Variants in ADAM11 observed in about 807,000 individuals in gnomAD.
The protein encoded by ADAM11 is ADAM metallopeptidase domain 11.
Under a neutral mutation model 119.1 loss-of-function variants are expected in ADAM11, and 49 were observed. The ratio of observed to expected loss-of-function variants is 0.41; its 90% CI spans 0.33 to 0.52. The LOEUF (loss-of-function observed/expected upper bound fraction) is 0.52. Ranked by LOEUF, ADAM11 falls within the 20% of genes least tolerant of loss-of-function variation. The pLI is 0.20. For synonymous variants in ADAM11, 364 were observed against 408.0 expected (o/e 0.89, Z 1.30); for missense variants, 777 against 1,047.5 (o/e 0.74, Z 3.56).
At chr17:44,779,282 T>C in intron 26 of ADAM11, 43 bp downstream of exon 26, 1 of 1,553,578 alleles carries the variant, frequency 6.4e-7, no homozygotes, top group Non-Finnish European at 8.6e-7. Flanking sequence ...GCCGGCCACG[T>C]CATCCCTCCC....
At chr17:44,760,253 G>A (rs1275254976) in intron 2 of ADAM11, among the ~76,000 whole-genome samples, 2 of 152,254 alleles carry the variant, frequency 1.3e-5, no homozygotes, top group African/African-American at 4.8e-5. Flanking sequence ...GGGGCAGGGA[G>A]AGGCAGCCCA....
At position 44,759,839 on chromosome 17, in the gene ADAM11, G is replaced by A. The variant is rs1009976819; in HGVS notation, c.179G>A (p.Gly60Glu). 5.6e-5 allele frequency: 74 copies of A among 1,314,926 alleles called. No individual in the cohort carries two copies. The highest frequency in any genetic ancestry group is 7.1e-5 in the Non-Finnish European group (73 of 1,023,680). 81.5% of individuals were successfully genotyped at this position (1,314,926 alleles called of 1,614,324 possible). A position where few individuals can be genotyped will look rare whatever the true frequency, so the allele number is the denominator to read the frequency against. The stretch of plus-strand genomic sequence containing the variant: ...CGTCTGGTTAGGGAGAGCTCCGGGG[G>A]AGAGGTCCGAAAGCAGCAGCTGGAC... ...PSRLVRESSG[G>E]EVRKQQLDTR... is the part of the protein sequence containing the mutation. The change falls in exon 2 of 27, where the codon GGA becomes GAA. Residue 60 changes from glycine to glutamate, a missense_variant. Gly to Glu is a moderately conservative substitution (Grantham distance 98). Transcript: ENST00000200557.
chr17:44,760,030 C>T, intron 2 of ADAM11, 133 bp downstream of exon 2: 6 of 952,384 alleles, frequency 6.3e-6, no homozygotes, highest in Non-Finnish European at 6.8e-6. Context: ...GTGGGCTATC[C>T]GGTGGGTGCT....
intron 2 of ADAM11, among the ~76,000 whole-genome samples, chr17:44,769,035 A>G (rs2049485352): frequency 6.6e-6 from 1 of 152,226 alleles, no homozygotes; most frequent in African/African-American, 2.4e-5. Context: ...ACTCTGAAAA[A>G]TTTATCAGGA....
Position 44,781,196 on chromosome 17 carries a change from C to G in ADAM11, c.*1442C>G, listed in dbSNP as rs2049689317. The G allele has an allele frequency of 6.6e-6, 1 of 152,272 alleles. No individual in the cohort carries two copies. The highest frequency in any genetic ancestry group is 2.4e-5 in the African/African-American group (1 of 41,460). 9.4% of individuals were successfully genotyped at this position (152,272 alleles called of 1,614,324 possible). On this transcript the variant is annotated 3_prime_UTR_variant, in exon 27 of 27. Coordinates refer to ENST00000200557, the MANE Select transcript of ADAM11 (RefSeq NM_002390.6). ...GCCCGTGAGCTACCTGCTTGAGCCC[C>G]TGTTTCTGGGGCACCTTCGAGGAGG...
intron 2 of ADAM11, 69 bp from the exon 3 acceptor site, chr17:44,769,649 C>T (rs1174551415): frequency 1.2e-5 from 13 of 1,070,998 alleles, no homozygotes; most frequent in South Asian, 2.6e-5. Flanking sequence ...CTGTTGCTCC[C>T]GGGATCCCCC....
At chr17:44,774,053 T>C (rs981908650) in intron 11 of ADAM11, among the ~76,000 whole-genome samples, 12 of 151,406 alleles carry the variant, frequency 7.9e-5, no homozygotes, top group African/African-American at 2.7e-4. Context: ...ATGGTGCCAC[T>C]GCACTCCAAC....
intron 2 of ADAM11, 72 bp downstream of exon 2, chr17:44,759,969 C>G: frequency 8.1e-7 from 1 of 1,237,220 alleles, no homozygotes; most frequent in Non-Finnish European, 1.0e-6. Context: ...ACGGGGTAAC[C>G]AGGGTTGGAG....
chr17:44,775,559 C>CGGG lies in ADAM11; in HGVS notation c.1393-25_1393-24insGGG. The CGGG allele has an allele frequency of 6.4e-7, 1 of 1,560,928 alleles. No individual in the cohort carries two copies. The highest frequency in any genetic ancestry group is 1.7e-4 in the Middle Eastern group (1 of 5,946). On this transcript the variant is annotated intron_variant, in intron 16 of 26. Coordinates refer to ENST00000200557, the MANE Select transcript of ADAM11 (RefSeq NM_002390.6). This position sits in a 1 kb window ranked among gnomAD's most constrained non-coding sequence, Gnocchi z 7.5. The stretch of plus-strand genomic sequence containing the variant: ...GGGAGGATTAGGGCTCGCCCGCCTC[C>CGGG]TTCCCCTCCTCCCGCGTCCCTCAGG...
In ADAM11 at chr17:44,772,897, A is replaced by G. The variant is rs2049545247; in HGVS notation, c.719A>G (p.Tyr240Cys). The G allele has an allele frequency of 1.9e-6, 3 of 1,613,868 alleles. No homozygotes were observed. The South Asian group carries it at 3.3e-5, about 18-fold the overall frequency. ...CCTACAGTGCACAGTGAAACCAAGT[A>G]TGTGGAGCTAATTGTGATCAACGAC... Reference protein sequence around the residue: ...GHPTVHSETKYVELIVINDHQ... With the variant: ...GHPTVHSETKCVELIVINDHQ... Residue 240 changes from tyrosine (Y) to cysteine (C), a missense_variant, in exon 9 of 27, where the codon TAT (tyrosine) becomes TGT (cysteine). By Grantham distance (194) the Tyr-to-Cys change is radical. Transcript: ENST00000200557. The surrounding 1 kb of genome is among the most constrained non-coding windows in gnomAD (Gnocchi z 4.5).
intron 2 of ADAM11, among the ~76,000 whole-genome samples, chr17:44,762,148 T>G (rs947527619): frequency 6.6e-6 from 1 of 152,052 alleles, no homozygotes; most frequent in Non-Finnish European, 1.5e-5. Flanking sequence ...TCAGCCCCAT[T>G]TTACAGATGA....
Position 44,778,688 on chromosome 17 carries a change from CAAAAA to C in ADAM11, c.2276+467_2276+471del, listed in dbSNP as rs566515861. 2.0e-3 allele frequency among the ~76,000 whole-genome samples: 103 copies of C among 52,426 alleles called. 1 individual carries two copies. Among genetic ancestry groups the C allele is most frequent in the African/African-American group, 3.7e-3 (50 of 13,538 alleles). The allele number at this position is 52,426 out of a possible 152,430, so 34.4% of individuals were successfully genotyped here. On this transcript the variant is annotated intron_variant, in intron 25 of 26. Coordinates refer to ENST00000200557, the MANE Select transcript of ADAM11 (RefSeq NM_002390.6). ...CCTGGGTGACAGAGCAAGACTGCGTCAAAAAAAAAAAAAAAAAAAAAAAAAGAAAG... is the reference window on the plus strand; with the variant it reads ...CCTGGGTGACAGAGCAAGACTGCGTCAAAAAAAAAAAAAAAAAAAAGAAAG...
intron 14 of ADAM11, 85 bp downstream of exon 14, chr17:44,774,834 G>A: frequency 2.7e-6 from 4 of 1,494,424 alleles, no homozygotes; most frequent in Non-Finnish European, 3.6e-6. Context: ...GGACCAGGGG[G>A]CTCAAGAGGC....
rs1445426610 is a variant in ADAM11, at chr17:44,777,189, G to A, written c.1705G>A (p.Glu569Lys). 22 of 1,608,286 alleles carry A rather than the reference G, an allele frequency of 1.4e-5. No homozygotes were observed. The highest frequency in any genetic ancestry group is 1.8e-5 in the Non-Finnish European group (21 of 1,178,716). The change falls in exon 21 of 27, where the codon GAG becomes AAG. Residue 569 changes from glutamate to lysine, a missense_variant. Coordinates refer to ENST00000200557, the MANE Select transcript of ADAM11 (RefSeq NM_002390.6). This position sits in a 1 kb window ranked among gnomAD's most constrained non-coding sequence, Gnocchi z 5.1. The part of the protein sequence containing the change: ...GHAAADRFCY[E>K]KLNVEGTERG... ...AGCGGCTGCTGATCGCTTCTGCTAC[G>A]AGAAGCTGAATGTGGAGGGGACGGA... is the stretch of plus-strand genomic sequence containing the variant.
Position 44,775,635 on chromosome 17 carries a change from G to C in ADAM11, c.1444G>C (p.Asp482His), listed in dbSNP as rs779909478. ...NCCKKCTLTH[D>H]AMCSDGLCCR... ...CTGCAAGAAATGCACCCTGACTCACGACGCCATGTGCAGCGACGGGCTCTG... is the reference window on the plus strand; with the variant it reads ...CTGCAAGAAATGCACCCTGACTCACCACGCCATGTGCAGCGACGGGCTCTG... The change falls in exon 17 of 27, where the codon GAC becomes CAC. Residue 482 changes from aspartate (D) to histidine (H), a missense_variant. This residue lies in a region of ADAM11 where 348 missense variants were observed against 486.7 expected (regional missense o/e 0.72). Coordinates refer to ENST00000200557, the MANE Select transcript of ADAM11 (RefSeq NM_002390.6). The surrounding 1 kb of genome is among the most constrained non-coding windows in gnomAD (Gnocchi z 7.5). 3 of 1,592,832 alleles carry C rather than the reference G, an allele frequency of 1.9e-6. No homozygotes were observed. In the Admixed American group the frequency reaches 5.2e-5, roughly 27 times the overall value.
Position 44,773,454 on chromosome 17 carries a change from C to T in ADAM11, c.992+27C>T, listed in dbSNP as rs1248116920. ...TGAGTCCCCCACCCTGCACCTCCTGCCAGCCTCTGCTAGTTGCTACAGTGC... is the reference window on the plus strand; with the variant it reads ...TGAGTCCCCCACCCTGCACCTCCTGTCAGCCTCTGCTAGTTGCTACAGTGC... On this transcript the variant is annotated intron_variant, in intron 11 of 26. Coordinates refer to ENST00000200557, the MANE Select transcript of ADAM11 (RefSeq NM_002390.6). The surrounding 1 kb of genome is among the most constrained non-coding windows in gnomAD (Gnocchi z 4.6). 1 of 1,605,452 alleles carries T rather than the reference C, an allele frequency of 6.2e-7. No individual in the cohort carries two copies. Among genetic ancestry groups the T allele is most frequent in the Non-Finnish European group, 8.5e-7 (1 of 1,174,940 alleles).
rs1483157157 is a variant in ADAM11, at chr17:44,775,119, G to A, written c.1221-93G>A. The A allele has an allele frequency of 1.5e-5, 16 of 1,085,082 alleles. No individual in the cohort carries two copies. In the Admixed American group the frequency reaches 2.8e-4, roughly 19 times the overall value. The allele number at this position is 1,085,082 out of a possible 1,614,324, so 67.2% of individuals were successfully genotyped here. On this transcript the variant is annotated intron_variant, in intron 14 of 26. Transcript: ENST00000200557. This position sits in a 1 kb window ranked among gnomAD's most constrained non-coding sequence, Gnocchi z 7.5. ...TCCTCCGCCTCCTCGCGATGGTGAC[G>A]AAGTCCCCCAGTGTACCCCCTCCCC...
At chr17:44,762,285 G>T (rs2049398760) in intron 2 of ADAM11, among the ~76,000 whole-genome samples, 1 of 152,186 alleles carries the variant, frequency 6.6e-6, no homozygotes, top group African/African-American at 2.4e-5. Context: ...CTGGATTTGG[G>T]TCCAGGAGGC....
At position 44,774,488 on chromosome 17, in the gene ADAM11, C is replaced by A; in HGVS notation, c.1078-4C>A. 6.2e-7 allele frequency: 1 copy of A among 1,612,572 alleles called. No individual in the cohort carries two copies. The highest frequency in any genetic ancestry group is 1.1e-5 in the South Asian group (1 of 90,942). On this transcript the variant is annotated splice_polypyrimidine_tract_variant and splice_region_variant and intron_variant, in intron 12 of 26. Coordinates refer to ENST00000200557, the MANE Select transcript of ADAM11 (RefSeq NM_002390.6). ...CATCTGTGCCCCATCTTCCCCACCCCCAGTACGGCAACATGGGGGCGATGG... is the reference window on the plus strand; with the variant it reads ...CATCTGTGCCCCATCTTCCCCACCCACAGTACGGCAACATGGGGGCGATGG...
Sources: allele counts gnomAD v4.1 joint callset (sites outside exome capture counted in the v4.1 genomes callset), GRCh38; gene constraint gnomAD v4.1.1; regional missense constraint gnomAD v4.1.1; non-coding constraint Gnocchi (gnomAD v3.1); transcripts MANE v1.5; gene names NCBI Gene and HGNC (gene_info 2026-07-23, HGNC 2026-07-21).